Variants in TTLL1 observed in about 807,000 individuals in gnomAD.
TTLL1 encodes TTL family tubulin polyglutamylase complex subunit L1.
A neutral mutation model predicts 47.8 loss-of-function variants in TTLL1; 33 were observed. The observed-to-expected ratio is 0.69, with a 90% CI of 0.52 to 0.92. TTLL1 has a LOEUF of 0.92. TTLL1 is among the 40% of genes least tolerant of loss of function. The pLI is 0.00. For synonymous variants in TTLL1, 225 were observed against 214.1 expected, an observed-to-expected ratio of 1.05 and a Z score of -0.45; for missense variants, 488 against 547.5, an observed-to-expected ratio of 0.89 and a Z score of 1.08.
intron 5 of TTLL1, among the ~76,000 whole-genome samples, chr22:43,064,554 G>C (rs1279683280): frequency 6.6e-6 from 1 of 151,724 alleles, no homozygotes; most frequent in South Asian, 2.1e-4. Context: ...GTGAAACCCC[G>C]TCTCTGCTAA....
At chr22:43,065,975 A>G (rs1438326773) in intron 5 of TTLL1, among the ~76,000 whole-genome samples, 1 of 151,896 alleles carries the variant, frequency 6.6e-6, no homozygotes, top group African/African-American at 2.4e-5. Context: ...CCTAACCAAC[A>G]TGGTGAAACC....
At chr22:43,055,339 CT>C (rs988429886) in intron 8 of TTLL1, among the ~76,000 whole-genome samples, 18 of 144,156 alleles carry the variant, frequency 1.2e-4, no homozygotes, top group South Asian at 6.6e-4. Context: ...AGTTTTCTTT[CT>C]TTTTTTTTTG....
intron 8 of TTLL1, among the ~76,000 whole-genome samples, chr22:43,056,462 CTTTTTTTTTTT>C (rs1052016247): frequency 1.3e-4 from 14 of 103,706 alleles, no homozygotes; most frequent in Non-Finnish European, 2.6e-4. Context: ...TTCTTCTTGT[CTTTTTTTTTTT>C]TTTTTTTTTT....
At chr22:43,088,414 G>C (rs1409502400) in intron 1 of TTLL1, among the ~76,000 whole-genome samples, 1 of 131,266 alleles carries the variant, frequency 7.6e-6, no homozygotes, top group Non-Finnish European at 1.6e-5. Context: ...TCGGCTCACT[G>C]CAAGCTCCGC....
intron 7 of TTLL1, among the ~76,000 whole-genome samples, chr22:43,062,223 T>C (rs566394481): frequency 6.6e-6 from 1 of 152,302 alleles, no homozygotes; most frequent in South Asian, 2.1e-4. Flanking sequence ...CCGGGCGCAG[T>C]AGCTCACACC....
chr22:43,070,155 C>T (rs1690511166), intron 3 of TTLL1: 1 of 1,411,144 alleles, frequency 7.1e-7, no homozygotes, highest in Non-Finnish European at 9.5e-7. Context: ...ACACTGTCAA[C>T]AAATAAAAGA....
At chr22:43,066,186 C>T (rs1346177550) in intron 5 of TTLL1, among the ~76,000 whole-genome samples, 2 of 149,610 alleles carry the variant, frequency 1.3e-5, no homozygotes, top group Admixed American at 1.3e-4. Context: ...AAAAAAAAAT[C>T]AAGCTACTAG....
chr22:43,052,016 C>T (rs1240829334), intron 8 of TTLL1, 129 bp from the exon 9 acceptor site: 1 of 777,908 alleles, frequency 1.3e-6, no homozygotes, highest in South Asian at 1.5e-5. Flanking sequence ...CCCTCCACCA[C>T]AAACGCTTCC....
At chr22:43,079,383 C>T (rs976921877) in intron 2 of TTLL1, among the ~76,000 whole-genome samples, 1 of 151,704 alleles carries the variant, frequency 6.6e-6, no homozygotes, top group Non-Finnish European at 1.5e-5. Context: ...GACATGGGGA[C>T]CACGGGAGCT....
intron 3 of TTLL1, chr22:43,070,260 CAG>C (rs1569438303): frequency 7.8e-7 from 1 of 1,283,460 alleles, no homozygotes; most frequent in South Asian, 1.2e-5. Flanking sequence ...AACAAAATCA[CAG>C]GGGTTATTTA....
intron 1 of TTLL1, among the ~76,000 whole-genome samples, chr22:43,086,771 G>A (rs1929253928): frequency 1.3e-5 from 2 of 152,012 alleles, no homozygotes; most frequent in South Asian, 2.1e-4. Context: ...TCTCTCCTGG[G>A]CAACTGCAGC....
rs200313601 is a variant in TTLL1 at position 43,064,209 on chromosome 22, G to A, written c.619C>T (p.Arg207Cys). ...LRLYVLVSTY[R>C]PLRCYMYKLG... ...GCTTACATGTAACAGCGCAGTGGAC[G>A]GTACGTGGACACCAGAACGTACAAG... The change falls in exon 6 of 11, where the codon CGT becomes TGT. Residue 207 changes from arginine to cysteine, a missense_variant. Arg to Cys is a radical substitution (Grantham distance 180). Transcript: ENST00000266254. 58 of 1,613,358 alleles carry A rather than the reference G, an allele frequency of 3.6e-5. No homozygotes were observed. In the East Asian group the frequency reaches 4.7e-4, roughly 13 times the overall value.
chr22:43,053,921 G>A (rs1926819606), intron 8 of TTLL1, among the ~76,000 whole-genome samples: 1 of 152,142 alleles, frequency 6.6e-6, no homozygotes, highest in Non-Finnish European at 1.5e-5. Flanking sequence ...GGGGAGGGAG[G>A]GAGAGCAAAG....
intron 8 of TTLL1, among the ~76,000 whole-genome samples, chr22:43,053,080 A>C (rs1376297093): frequency 6.6e-6 from 1 of 152,014 alleles, no homozygotes; most frequent in African/African-American, 2.4e-5. Flanking sequence ...ACAAACAAAC[A>C]AAAAACACAA....
chr22:43,084,898 A>G (rs1410714581), intron 1 of TTLL1, among the ~76,000 whole-genome samples: 1 of 151,360 alleles, frequency 6.6e-6, no homozygotes, highest in Admixed American at 6.6e-5. Flanking sequence ...ACTGGAGCTC[A>G]ACCATGCCTG....
chr22:43,043,876 C>T (rs1881464870), intron 10 of TTLL1, among the ~76,000 whole-genome samples: 1 of 152,100 alleles, frequency 6.6e-6, no homozygotes, highest in African/African-American at 2.4e-5. Context: ...AGCCAGGCTC[C>T]TAGTTCATGG....
chr22:43,062,567 C>A (rs946406347), intron 7 of TTLL1, among the ~76,000 whole-genome samples: 2 of 151,746 alleles, frequency 1.3e-5, no homozygotes, highest in African/African-American at 2.4e-5. Context: ...CAGTGGCACA[C>A]GCCTGTAATC....
intron 1 of TTLL1, among the ~76,000 whole-genome samples, chr22:43,081,719 T>G (rs1202242275): frequency 1.3e-5 from 2 of 151,724 alleles, no homozygotes; most frequent in Non-Finnish European, 2.9e-5. Flanking sequence ...AGCTAATTTT[T>G]GTATTTTTAC....
intron 3 of TTLL1, among the ~76,000 whole-genome samples, chr22:43,072,265 T>C (rs895928991): frequency 1.7e-4 from 26 of 149,558 alleles, no homozygotes; most frequent in Non-Finnish European, 3.6e-4. Context: ...GCCATTCTCC[T>C]GTCTCAGCCT....
Sources: allele counts gnomAD v4.1 joint callset (sites outside exome capture counted in the v4.1 genomes callset), GRCh38; gene constraint gnomAD v4.1.1; transcripts MANE v1.5; gene names NCBI Gene and HGNC (gene_info 2026-07-23, HGNC 2026-07-21).